Variants in KCNQ2 observed in about 807,000 individuals in gnomAD.
The protein encoded by KCNQ2 is potassium voltage-gated channel subfamily KQT member 2.
KCNQ2 carries 14 observed loss-of-function variants against 84.8 expected under a neutral mutation model. The observed-to-expected ratio is 0.17, with a 90% CI of 0.11 to 0.26. The LOEUF (loss-of-function observed/expected upper bound fraction) is 0.26, where lower values mean the gene tolerates loss of function less well. Ranked by LOEUF, KCNQ2 falls within the 10% of genes least tolerant of loss-of-function variation. KCNQ2 has a pLI of 1.00. For missense variants in KCNQ2, 788 were observed against 1,254.0 expected (o/e 0.63, Z 5.61); for synonymous variants, 599 against 554.1 (o/e 1.08, Z -1.14).
chr20:63,456,639 T>C (rs2145845245), intron 1 of KCNQ2, among the ~76,000 whole-genome samples: 1 of 152,174 alleles, frequency 6.6e-6, no homozygotes, highest in Admixed American at 6.5e-5. Flanking sequence ...AGCACACCCA[T>C]GACCTGCCAG....
In KCNQ2 at chr20:63,413,724, C is replaced by T. The variant is rs556892263; in HGVS notation, c.1632-143G>A. ...TTGTCTGCCGCCCACCAGCTCCACA[C>T]ACAGAAGGGCCTTTATGTGGCCCTG... On this transcript the variant is annotated intron_variant, in intron 14 of 16. Coordinates refer to ENST00000359125, the MANE Select transcript of KCNQ2 (RefSeq NM_172107.4). The T allele has an allele frequency of 1.5e-4, 139 of 957,922 alleles. 1 individual carries two copies. The African/African-American group carries it at 2.0e-3, about 14-fold the overall frequency. The allele number at this position is 957,922 out of a possible 1,614,324, so 59.3% of individuals were successfully genotyped here.
chr20:63,433,960 G>C, intron 7 of KCNQ2, 57 bp from the exon 8 acceptor site: 3 of 1,511,150 alleles, frequency 2.0e-6, no homozygotes, highest in Non-Finnish European at 2.8e-6. Flanking sequence ...GGCGCGCCCA[G>C]GAGGGCCGGG....
chr20:63,419,952 T>C (rs1293116701), intron 11 of KCNQ2, among the ~76,000 whole-genome samples: 2 of 152,224 alleles, frequency 1.3e-5, no homozygotes, highest in African/African-American at 4.8e-5. Context: ...TCTTAAAAGA[T>C]GTATTATTTT....
chr20:63,420,411 A>G (rs902291424), intron 11 of KCNQ2, among the ~76,000 whole-genome samples: 1 of 152,240 alleles, frequency 6.6e-6, no homozygotes, highest in African/African-American at 2.4e-5. Context: ...TAAGCAAAAA[A>G]TGAAACCAAT....
intron 11 of KCNQ2, among the ~76,000 whole-genome samples, chr20:63,420,877 G>T (rs1568892931): frequency 6.6e-6 from 1 of 152,204 alleles, no homozygotes; most frequent in Non-Finnish European, 1.5e-5. Flanking sequence ...GACTCTGTTT[G>T]CTGGTTAACC....
At position 63,425,028 on chromosome 20, in the gene KCNQ2, C is replaced by T. The variant is rs1405629572; in HGVS notation, c.1218-822G>A. Among the ~76,000 whole-genome samples the T allele has an allele frequency of 1.3e-5, 2 of 152,192 alleles. No homozygotes were observed. Among genetic ancestry groups the T allele is most frequent in the Non-Finnish European group, 2.9e-5 (2 of 68,032 alleles). On this transcript the variant is annotated intron_variant, in intron 10 of 16. Coordinates refer to ENST00000359125, the MANE Select transcript of KCNQ2 (RefSeq NM_172107.4). The surrounding 1 kb of genome is among the most constrained non-coding windows in gnomAD (Gnocchi z 5.5). ...GTCCCTCATCACCTCCTGCAGCTCCCGGTGGCCCAGGTGTCCTTGGCTTGT... is the reference window on the plus strand; with the variant it reads ...GTCCCTCATCACCTCCTGCAGCTCCTGGTGGCCCAGGTGTCCTTGGCTTGT...
In KCNQ2 at chr20:63,464,131, C is replaced by T. The variant is rs982109824; in HGVS notation, c.296+8037G>A. Among the ~76,000 whole-genome samples the T allele has an allele frequency of 1.1e-4, 16 of 152,274 alleles. No homozygotes were observed. The East Asian group carries it at 2.5e-3, about 24-fold the overall frequency. On this transcript the variant is annotated intron_variant, in intron 1 of 16. Coordinates refer to ENST00000359125, the MANE Select transcript of KCNQ2 (RefSeq NM_172107.4). ...TCAGTTCCAGAGCACGTCTGGAAAA[C>T]ATCCTCATCCCCAAAGCGAGGCAGC...
intron 15 of KCNQ2, among the ~76,000 whole-genome samples, chr20:63,412,425 G>C (rs544582487): frequency 6.6e-5 from 10 of 152,232 alleles, no homozygotes; most frequent in East Asian, 5.8e-4. Context: ...CACGCAGCCA[G>C]GGTTGGCCGC....
intron 8 of KCNQ2, among the ~76,000 whole-genome samples, chr20:63,432,010 C>CACCCACAGGAAAGGCCCCACCCT (rs2080811541): frequency 1.4e-5 from 2 of 139,820 alleles, no homozygotes; most frequent in African/African-American, 2.5e-5. Flanking sequence ...AGGGAAGGCC[C>CACCCACAGGAAAGGCCCCACCCT]CATCCACAGG....
chr20:63,423,747 A>G, intron 11 of KCNQ2: 1 of 221,100 alleles, frequency 4.5e-6, no homozygotes, highest in Non-Finnish European at 9.1e-6. Context: ...CTGGACCCAG[A>G]GCAGCGGGAA....
intron 1 of KCNQ2, among the ~76,000 whole-genome samples, chr20:63,454,849 C>T (rs188355989): frequency 1.6e-4 from 25 of 152,338 alleles, no homozygotes; most frequent in African/African-American, 4.1e-4. Context: ...GCACGACGAG[C>T]GTCCAAATGT....
chr20:63,442,131 G>A lies in KCNQ2; in HGVS notation c.816+275C>T, dbSNP rs537007975. Reference sequence around the variant, plus strand: ...GAGCAGGTGGAGGGTCACTCAGGAGGAAGGAAGATGCCCACCACGGCTGAG... The same window carrying A: ...GAGCAGGTGGAGGGTCACTCAGGAGAAAGGAAGATGCCCACCACGGCTGAG... On this transcript the variant is annotated intron_variant, in intron 5 of 16. Coordinates refer to ENST00000359125, the MANE Select transcript of KCNQ2 (RefSeq NM_172107.4). Among the ~76,000 whole-genome samples, 5 of 152,014 alleles carry A rather than the reference G, an allele frequency of 3.3e-5. No individual in the cohort carries two copies. The East Asian group carries it at 5.8e-4, about 18-fold the overall frequency.
intron 14 of KCNQ2, 47 bp from the exon 15 acceptor site, chr20:63,413,628 G>A (rs568265028): frequency 9.7e-5 from 157 of 1,610,494 alleles, no homozygotes; most frequent in Non-Finnish European, 1.2e-4. Flanking sequence ...AGAGACCCCC[G>A]GCCACAGGCA....
Position 63,447,655 on chromosome 20 carries a change from C to T in KCNQ2, c.297-818G>A, listed in dbSNP as rs560491581. ...TGTCGCGCAGGCTGGAGTGCAATGGCGTGATCTTGGCTCGCTGCAACCTCC... is the reference window on the plus strand; with the variant it reads ...TGTCGCGCAGGCTGGAGTGCAATGGTGTGATCTTGGCTCGCTGCAACCTCC... On this transcript the variant is annotated intron_variant, in intron 1 of 16. Transcript: ENST00000359125. Among the ~76,000 whole-genome samples, 8 of 152,218 alleles carry T rather than the reference C, an allele frequency of 5.3e-5. No homozygotes were observed. The East Asian group carries it at 1.4e-3, about 26-fold the overall frequency.
chr20:63,451,679 C>T (rs1317399637), intron 1 of KCNQ2, among the ~76,000 whole-genome samples: 1 of 152,128 alleles, frequency 6.6e-6, no homozygotes, highest in Non-Finnish European at 1.5e-5. Flanking sequence ...CGATTCACGA[C>T]GGACACCCCC....
intron 1 of KCNQ2, among the ~76,000 whole-genome samples, chr20:63,458,609 C>A (rs867304440): frequency 6.6e-5 from 10 of 152,220 alleles, no homozygotes; most frequent in Non-Finnish European, 1.3e-4. Flanking sequence ...TGAGCCTGAC[C>A]GAGCACTGTC....
chr20:63,456,176 GC>G (rs1280149258), intron 1 of KCNQ2, among the ~76,000 whole-genome samples: 1 of 151,594 alleles, frequency 6.6e-6, no homozygotes, highest in African/African-American at 2.4e-5. Flanking sequence ...CTGCTCATGG[GC>G]CCCCCACCTC....
Position 63,466,888 on chromosome 20 carries a change from C to T in KCNQ2, c.296+5280G>A, listed in dbSNP as rs1208174299. 8.5e-5 allele frequency among the ~76,000 whole-genome samples: 13 copies of T among 152,344 alleles called. 1 individual carries two copies. Among genetic ancestry groups the T allele is most frequent in the Non-Finnish European group, 1.8e-4 (12 of 68,032 alleles). ...GCTGCGTCCACAGACCGCGCACACA[C>T]GAGCAGTTTCCCGTCTCAGAGCTGC... On this transcript the variant is annotated intron_variant, in intron 1 of 16. Coordinates refer to ENST00000359125, the MANE Select transcript of KCNQ2 (RefSeq NM_172107.4).
chr20:63,465,565 G>A lies in KCNQ2; in HGVS notation c.296+6603C>T, dbSNP rs76816719. The stretch of plus-strand genomic sequence containing the variant: ...AATCAACAGAGAAAGCTCGGCACAC[G>A]GGCTGGTGAGCGTAGGGGTCGCACG... On this transcript the variant is annotated intron_variant, in intron 1 of 16. Transcript: ENST00000359125. Among the ~76,000 whole-genome samples the A allele has an allele frequency of 5.3e-5, 8 of 152,310 alleles. No homozygotes were observed. The South Asian group carries it at 1.0e-3, about 20-fold the overall frequency.
Sources: allele counts gnomAD v4.1 joint callset (sites outside exome capture counted in the v4.1 genomes callset), GRCh38; gene constraint gnomAD v4.1.1; non-coding constraint Gnocchi (gnomAD v3.1); transcripts MANE v1.5; gene names NCBI Gene and HGNC (gene_info 2026-07-23, HGNC 2026-07-21).